Variants in ARHGAP12 observed in about 807,000 individuals in gnomAD.
ARHGAP12 encodes rho GTPase-activating protein 12.
In ARHGAP12, 64 loss-of-function variants were observed where a neutral mutation model predicts 108.6. The ratio of observed to expected loss-of-function variants is 0.59; its 90% confidence interval spans 0.48 to 0.73. ARHGAP12 has a LOEUF of 0.73. Among genes scored for constraint, ARHGAP12 ranks in the 30% least tolerant of loss-of-function variants. The probability of loss-of-function intolerance (pLI) is 0.00; values close to 1 mark genes in which losing one functional copy is unlikely to be tolerated. For synonymous variants in ARHGAP12, 312 were observed against 337.2 expected (o/e 0.93, Z 0.82); for missense variants, 940 against 1,005.9 (o/e 0.93, Z 0.89).
intron 3 of ARHGAP12, among the ~76,000 whole-genome samples, chr10:31,862,723 C>T (rs1047623933): frequency 1.3e-5 from 2 of 149,292 alleles, no homozygotes; most frequent in African/African-American, 4.9e-5. Context: ...CACACACACA[C>T]ACACACACAC....
At chr10:31,850,238 TAATAA>T (rs1310169450) in intron 6 of ARHGAP12, among the ~76,000 whole-genome samples, 3 of 152,202 alleles carry the variant, frequency 2.0e-5, no homozygotes, top group African/African-American at 7.2e-5. Flanking sequence ...ATTATTGTAT[TAATAA>T]AATATTAGTC....
chr10:31,879,326 T>C (rs566429532), intron 3 of ARHGAP12, among the ~76,000 whole-genome samples: 152 of 152,212 alleles, frequency 1.0e-3, no homozygotes, highest in African/African-American at 3.4e-3. Context: ...GCTGGAGGAT[T>C]GCTTGTGCCT....
At position 31,807,069 on chromosome 10, in the gene ARHGAP12, T is replaced by G. The variant is rs1186145186; in HGVS notation, c.*589A>C. 6.6e-6 allele frequency: 1 copy of G among 152,592 alleles called. No homozygotes were observed. The highest frequency in any genetic ancestry group is 1.9e-4 in the East Asian group (1 of 5,204). 9.5% of individuals were successfully genotyped at this position (152,592 alleles called of 1,614,324 possible). ...TTAGTGTGCTGCCCAAACAAGCAAC[T>G]AAGATATCCAGTAAGGATGCTGTGT... On this transcript the variant is annotated 3_prime_UTR_variant, in exon 20 of 20. Transcript: ENST00000344936.
At chr10:31,905,167 A>G (rs1839077890) in intron 3 of ARHGAP12, among the ~76,000 whole-genome samples, 1 of 151,874 alleles carries the variant, frequency 6.6e-6, no homozygotes, top group South Asian at 2.1e-4. Flanking sequence ...CACCCTTGCT[A>G]TGCTTGAAAA....
At position 31,873,973 on chromosome 10, in the gene ARHGAP12, G is replaced by A. The variant is rs1237775779; in HGVS notation, c.685-12315C>T. On this transcript the variant is annotated intron_variant, in intron 3 of 19. Transcript: ENST00000344936. ...CCATTATTATAAATCTCCCTCCCTGGGGACTTGAATGGTAACTCTATCATC... is the reference window on the plus strand; with the variant it reads ...CCATTATTATAAATCTCCCTCCCTGAGGACTTGAATGGTAACTCTATCATC... 2.0e-5 allele frequency among the ~76,000 whole-genome samples: 3 copies of A among 152,096 alleles called. No homozygotes were observed. In the East Asian group the frequency reaches 5.8e-4, roughly 29 times the overall value.
chr10:31,900,007 C>T (rs1006089542), intron 3 of ARHGAP12, among the ~76,000 whole-genome samples: 63 of 152,230 alleles, frequency 4.1e-4, no homozygotes, highest in African/African-American at 1.4e-3. Context: ...ATACAAGGAA[C>T]TCTTAAAACT....
chr10:31,891,712 G>A (rs370369250), intron 3 of ARHGAP12, among the ~76,000 whole-genome samples: 4 of 152,078 alleles, frequency 2.6e-5, no homozygotes, highest in Admixed American at 1.3e-4. Context: ...TCACTTTCAC[G>A]TACACCAATC....
At chr10:31,921,108 A>T (rs879886277) in intron 1 of ARHGAP12, among the ~76,000 whole-genome samples, 1 of 151,936 alleles carries the variant, frequency 6.6e-6, no homozygotes, top group Non-Finnish European at 1.5e-5. Context: ...ACTCCTGGTG[A>T]GACCCCGTCT....
intron 3 of ARHGAP12, among the ~76,000 whole-genome samples, chr10:31,891,133 T>C (rs972875772): frequency 5.3e-5 from 8 of 152,214 alleles, no homozygotes; most frequent in African/African-American, 1.2e-4. Flanking sequence ...TATACTATGA[T>C]AATAGCACCT....
chr10:31,856,331 T>A (rs369831436), intron 4 of ARHGAP12, among the ~76,000 whole-genome samples: 15 of 152,132 alleles, frequency 9.9e-5, no homozygotes, highest in African/African-American at 3.1e-4. Flanking sequence ...AATGTTAGTT[T>A]TCAAGACCAC....
intron 3 of ARHGAP12, among the ~76,000 whole-genome samples, chr10:31,902,010 T>C (rs1838947661): frequency 6.6e-6 from 1 of 152,230 alleles, no homozygotes; most frequent in Non-Finnish European, 1.5e-5. Flanking sequence ...TAAGGTAACA[T>C]TCACAGGTTC....
chr10:31,814,437 T>C, intron 13 of ARHGAP12, 76 bp from the exon 14 acceptor site: 1 of 1,201,242 alleles, frequency 8.3e-7, no homozygotes, highest in Non-Finnish European at 1.2e-6. Flanking sequence ...ATTCTCACAA[T>C]GACTATTGTA....
intron 1 of ARHGAP12, among the ~76,000 whole-genome samples, chr10:31,917,192 G>C (rs757558892): frequency 2.6e-5 from 4 of 151,864 alleles, no homozygotes; most frequent in Non-Finnish European, 5.9e-5. Context: ...GGCAGATCAT[G>C]AGGTCAGGAA....
At chr10:31,814,386 A>G (rs1233929144) in intron 13 of ARHGAP12, 25 bp from the exon 14 acceptor site, 2 of 1,506,616 alleles carry the variant, frequency 1.3e-6, no homozygotes, top group Admixed American at 1.7e-5. Context: ...TTTCCCAAAC[A>G]CATATTACAC....
chr10:31,898,982 C>A (rs981432871), intron 3 of ARHGAP12, among the ~76,000 whole-genome samples: 1 of 152,182 alleles, frequency 6.6e-6, no homozygotes, highest in African/African-American at 2.4e-5. Flanking sequence ...TATTATTCCA[C>A]CACAAAAAGG....
At chr10:31,841,112 A>G (rs1046574226) in intron 7 of ARHGAP12, among the ~76,000 whole-genome samples, 3 of 152,166 alleles carry the variant, frequency 2.0e-5, no homozygotes, top group Non-Finnish European at 4.4e-5. Context: ...AAATACAGTA[A>G]TAACATATGT....
intron 9 of ARHGAP12, among the ~76,000 whole-genome samples, chr10:31,832,925 T>C (rs1421182658): frequency 2.0e-5 from 3 of 152,064 alleles, no homozygotes; most frequent in African/African-American, 7.2e-5. Context: ...CCATATGAAG[T>C]TTTATTGTAA....
chr10:31,828,926 C>T (rs1464310876), intron 10 of ARHGAP12, among the ~76,000 whole-genome samples: 4 of 152,204 alleles, frequency 2.6e-5, no homozygotes, highest in Admixed American at 6.5e-5. Flanking sequence ...CCAAGACGGG[C>T]GGATCACCTG....
chr10:31,911,028 CTTAT>C (rs894006742), intron 1 of ARHGAP12, among the ~76,000 whole-genome samples: 3 of 151,812 alleles, frequency 2.0e-5, no homozygotes, highest in South Asian at 2.1e-4. Context: ...ATTTTTTTAT[CTTAT>C]TTATTTATTT....
Sources: allele counts gnomAD v4.1 joint callset (sites outside exome capture counted in the v4.1 genomes callset), GRCh38; gene constraint gnomAD v4.1.1; transcripts MANE v1.5; gene names NCBI Gene and HGNC (gene_info 2026-07-23, HGNC 2026-07-21).